Variants in GALC observed in about 807,000 individuals in gnomAD.
GALC encodes the protein galactocerebrosidase.
A neutral mutation model predicts 91.8 loss-of-function variants in GALC; 77 were observed. The ratio of observed to expected loss-of-function variants is 0.84; its 90% confidence interval spans 0.70 to 1.01. GALC has a LOEUF of 1.01. Ranked by LOEUF, GALC falls within the 50% of genes least tolerant of loss-of-function variation. The pLI is 0.00. For missense variants in GALC, 882 were observed against 855.9 expected (o/e 1.03, Z -0.38); for synonymous variants, 357 against 306.7 (o/e 1.16, Z -1.71).
chr14:87,952,939 C>CTTT, intron 10 of GALC: 1 of 887,276 alleles, frequency 1.1e-6, no homozygotes, highest in East Asian at 2.5e-5. Flanking sequence ...GATGAACAGC[C>CTTT]TAAACATCAG....
Position 87,968,482 on chromosome 14 carries a change from T to A in GALC, c.761A>T (p.Tyr254Phe), listed in dbSNP as rs757149798. ...ATCTTTTGCTGAATGGGTTCCAGGA[T>A]AATGAGCCCTAGAAAAAAAAAGGGT... ...FKVVDVIGAH[Y>F]PGTHSAKDAK... Residue 254 changes from tyrosine (Y) to phenylalanine (F), a missense_variant, in exon 8 of 17, where the codon TAT becomes TTT. Physicochemically the swap from Tyr to Phe is conservative, Grantham distance 22 (BLOSUM62 3). Coordinates refer to ENST00000261304, the MANE Select transcript of GALC (RefSeq NM_000153.4). The A allele has an allele frequency of 2.5e-6, 4 of 1,613,568 alleles. No individual in the cohort carries two copies. In the South Asian group the frequency reaches 4.4e-5, roughly 18 times the overall value.
chr14:87,993,324 G>A (rs769677598), upstream of GALC: 32 of 1,536,036 alleles, frequency 2.1e-5, no homozygotes, highest in Admixed American at 3.9e-5. Flanking sequence ...AAGAAGCAGC[G>A]AGCTTTTTCT....
chr14:87,947,976 A>G (rs1008633924), intron 12 of GALC, 98 bp from the exon 13 acceptor site: 4 of 1,077,018 alleles, frequency 3.7e-6, no homozygotes, highest in Middle Eastern at 4.1e-4. Context: ...GAAAAGTCCA[A>G]ATCATTTCTG....
intron 10 of GALC, among the ~76,000 whole-genome samples, chr14:87,960,361 G>A (rs552084426): frequency 3.9e-5 from 6 of 152,256 alleles, no homozygotes; most frequent in South Asian, 2.1e-4. Context: ...GGGTGAAGAC[G>A]GTTAACAGTA....
intron 14 of GALC, among the ~76,000 whole-genome samples, chr14:87,944,384 G>T (rs920924658): frequency 6.6e-6 from 1 of 152,014 alleles, no homozygotes; most frequent in East Asian, 1.9e-4. Context: ...TTCAAAACTG[G>T]AGATCAAAAC....
intron 10 of GALC, 143 bp from the exon 11 acceptor site, chr14:87,950,891 AC>A (rs1325083154): frequency 3.5e-5 from 21 of 606,998 alleles, no homozygotes; most frequent in Non-Finnish European, 5.7e-5. Flanking sequence ...ATTTTTAAAG[AC>A]TTTTTTACAA....
chr14:87,993,107 C>G lies in GALC; in HGVS notation c.58G>C (p.Ala20Pro). ...GCGGCGCGGCCCGCCGAACCCGCGG[C>G]CGCAGTCATAGCTTTCGCTCGGCGT... is the stretch of plus-strand genomic sequence containing the variant. ...WQRRAKAMTA[A>P]AGSAGRAAVP... The change falls in exon 1 of 17, where the codon GCC becomes CCC. Residue 20 changes from alanine (A) to proline (P), a missense_variant. Physicochemically the swap from Ala to Pro is conservative, Grantham distance 27. Coordinates refer to ENST00000261304, the MANE Select transcript of GALC (RefSeq NM_000153.4). The G allele has an allele frequency of 6.3e-7, 1 of 1,588,040 alleles. No homozygotes were observed. Among genetic ancestry groups the G allele is most frequent in the Middle Eastern group, 1.7e-4 (1 of 5,950 alleles).
chr14:87,988,332 T>A lies in GALC; in HGVS notation c.264+123A>T, dbSNP rs922065935. 2.4e-6 allele frequency: 3 copies of A among 1,254,438 alleles called. No individual in the cohort carries two copies. In the African/African-American group the frequency reaches 4.4e-5, roughly 19 times the overall value. 77.7% of individuals were successfully genotyped at this position (1,254,438 alleles called of 1,614,324 possible). A position where few individuals can be genotyped will look rare whatever the true frequency, so the allele number is the denominator to read the frequency against. On this transcript the variant is annotated intron_variant, in intron 2 of 16. Transcript: ENST00000261304. ...AGCAAAACTTCAAATAGCAATTTAT[T>A]CCAAAAGTAATGTGCCATTTTTTCA...
At chr14:87,988,762 A>G (rs1887076349) in intron 1 of GALC, among the ~76,000 whole-genome samples, 2 of 152,182 alleles carry the variant, frequency 1.3e-5, no homozygotes, top group South Asian at 2.1e-4. Context: ...GCTAACTGGG[A>G]GGTAAGCTTG....
chr14:87,968,220 A>T (rs1307627182), intron 8 of GALC, 115 bp downstream of exon 8: 2 of 869,758 alleles, frequency 2.3e-6, no homozygotes, highest in Admixed American at 2.7e-5. Flanking sequence ...TAACAAGGCA[A>T]AATGTTTACA....
At chr14:87,987,004 C>A in intron 3 of GALC, 1 of 452,190 alleles carries the variant, frequency 2.2e-6, no homozygotes, top group South Asian at 1.6e-5. Flanking sequence ...GATATGAATC[C>A]CTGGACTCGT....
At chr14:87,946,491 AG>A (rs1353154682) in intron 13 of GALC, among the ~76,000 whole-genome samples, 1 of 123,616 alleles carries the variant, frequency 8.1e-6, no homozygotes, top group Admixed American at 9.2e-5. Flanking sequence ...GTATCTCCAG[AG>A]CCTAGCTTAT....
chr14:87,968,552 T>G, intron 7 of GALC, 62 bp from the exon 8 acceptor site: 2 of 1,447,276 alleles, frequency 1.4e-6, no homozygotes, highest in Non-Finnish European at 1.9e-6. Flanking sequence ...TATATACGTA[T>G]AGATTTGTTG....
intron 10 of GALC, 194 bp downstream of exon 10, chr14:87,963,190 T>A: frequency 1.8e-6 from 1 of 562,768 alleles, no homozygotes; most frequent in Non-Finnish European, 3.2e-6. Flanking sequence ...GAGCCAACTA[T>A]TTTGTACAAA....
chr14:87,954,053 A>G (rs1352909565), intron 10 of GALC: 10 of 1,609,776 alleles, frequency 6.2e-6, no homozygotes, highest in Non-Finnish European at 8.5e-6. Flanking sequence ...GCGAGACAGT[A>G]CTACAATCAA....
intron 14 of GALC, among the ~76,000 whole-genome samples, chr14:87,944,519 C>T (rs1884987099): frequency 6.6e-6 from 1 of 151,960 alleles, no homozygotes; most frequent in African/African-American, 2.4e-5. Flanking sequence ...GTTTCCACCT[C>T]AGAGACAATG....
chr14:87,979,744 T>A (rs1886658861), intron 6 of GALC, among the ~76,000 whole-genome samples: 1 of 152,154 alleles, frequency 6.6e-6, no homozygotes, highest in Non-Finnish European at 1.5e-5. Flanking sequence ...CAAATTTGGG[T>A]ATTTAAAAAG....
intron 7 of GALC, among the ~76,000 whole-genome samples, chr14:87,970,783 G>A (rs1886260389): frequency 6.7e-6 from 1 of 149,694 alleles, no homozygotes; most frequent in South Asian, 2.1e-4. Flanking sequence ...GCAGGAGAAT[G>A]GCATGAACCT....
intron 15 of GALC, among the ~76,000 whole-genome samples, 153 bp downstream of exon 15, chr14:87,941,242 A>C (rs77001562): frequency 1.3e-5 from 2 of 151,992 alleles, no homozygotes; most frequent in Non-Finnish European, 2.9e-5. Context: ...CTATAATTGT[A>C]AACTATTTGG....
Sources: allele counts gnomAD v4.1 joint callset (sites outside exome capture counted in the v4.1 genomes callset), GRCh38; gene constraint gnomAD v4.1.1; transcripts MANE v1.5; gene names NCBI Gene and HGNC (gene_info 2026-07-23, HGNC 2026-07-21).